SCAPER: variants seen among roughly 807,000 people sequenced by gnomAD.
The protein encoded by SCAPER is S phase cyclin A-associated protein in the endoplasmic reticulum.
In SCAPER, 98 loss-of-function variants were observed where a neutral mutation model predicts 182.2. That is an observed-to-expected ratio of 0.54 (90% CI 0.46 to 0.64). The LOEUF (loss-of-function observed/expected upper bound fraction) is 0.64. Among genes scored for constraint, SCAPER ranks in the 30% least tolerant of loss-of-function variants. SCAPER has a pLI of 0.00. For missense variants in SCAPER, 1,432 were observed against 1,690.0 expected, an observed-to-expected ratio of 0.85 and a Z score of 2.68; for synonymous variants, 605 against 564.6, an observed-to-expected ratio of 1.07 and a Z score of -1.01.
chr15:76,623,542 G>A (rs1228299136), intron 21 of SCAPER, among the ~76,000 whole-genome samples: 3 of 152,088 alleles, frequency 2.0e-5, no homozygotes, highest in African/African-American at 4.8e-5. Context: ...CTTTACCAAG[G>A]ATCAGATGGC....
intron 14 of SCAPER, among the ~76,000 whole-genome samples, chr15:76,759,751 T>C (rs193191362): frequency 1.3e-5 from 2 of 152,330 alleles, no homozygotes; most frequent in East Asian, 1.9e-4. Context: ...ATTGTATTCA[T>C]GTAGTATATT....
chr15:76,738,643 G>A (rs1024889068), intron 15 of SCAPER, among the ~76,000 whole-genome samples: 1 of 152,148 alleles, frequency 6.6e-6, no homozygotes, highest in East Asian at 1.9e-4. Flanking sequence ...GGAGGCCTGA[G>A]GATAAGAAAT....
chr15:76,889,699 T>C (rs2074059299), intron 1 of SCAPER, among the ~76,000 whole-genome samples: 1 of 152,164 alleles, frequency 6.6e-6, no homozygotes, highest in South Asian at 2.1e-4. Context: ...CAAAGAGACT[T>C]AGACTCCCAC....
intron 26 of SCAPER, among the ~76,000 whole-genome samples, chr15:76,406,252 T>A (rs1057322901): frequency 6.6e-6 from 1 of 151,484 alleles, no homozygotes; most frequent in Non-Finnish European, 1.5e-5. Context: ...CTGAGGCAGG[T>A]GGATCACTTG....
intron 21 of SCAPER, among the ~76,000 whole-genome samples, chr15:76,636,932 C>G (rs2053650972): frequency 6.6e-6 from 1 of 151,834 alleles, no homozygotes; most frequent in Non-Finnish European, 1.5e-5. Context: ...CATGAGAAAT[C>G]TTTATAATTA....
intron 24 of SCAPER, among the ~76,000 whole-genome samples, chr15:76,476,741 C>T (rs988053213): frequency 5.3e-5 from 8 of 151,926 alleles, no homozygotes; most frequent in African/African-American, 1.9e-4. Flanking sequence ...GCCAACACAC[C>T]TAGCCGTCCA....
At position 76,764,950 on chromosome 15, in the gene SCAPER, TA is replaced by T; in HGVS notation, c.1725+10del. 6.5e-7 allele frequency: 1 copy of T among 1,531,588 alleles called. No homozygotes were observed. The allele number at this position is 1,531,588 out of a possible 1,614,324, so 94.9% of individuals were successfully genotyped here. A position where few individuals can be genotyped will look rare whatever the true frequency, so the allele number is the denominator to read the frequency against. On this transcript the variant is annotated intron_variant, in intron 14 of 31. Transcript: ENST00000563290. ...CAGACTATCATAATTTCCTAAAAAATAAAAACTCACCCTTTCTAACAATTTC... is the reference window on the plus strand; with the variant it reads ...CAGACTATCATAATTTCCTAAAAAATAAAACTCACCCTTTCTAACAATTTC...
intron 1 of SCAPER, among the ~76,000 whole-genome samples, chr15:76,885,630 C>T (rs530708493): frequency 6.6e-6 from 1 of 152,252 alleles, no homozygotes; most frequent in African/African-American, 2.4e-5. Flanking sequence ...ACTACAGGTG[C>T]ACACCATCAT....
intron 23 of SCAPER, among the ~76,000 whole-genome samples, chr15:76,569,726 A>G (rs778665908): frequency 1.1e-4 from 17 of 151,732 alleles, no homozygotes; most frequent in South Asian, 2.1e-4. Context: ...TTCATTTTCT[A>G]TATCTTTTTC....
chr15:76,565,001 C>T (rs1472375007), intron 23 of SCAPER, among the ~76,000 whole-genome samples: 1 of 152,128 alleles, frequency 6.6e-6, no homozygotes, highest in African/African-American at 2.4e-5. Context: ...ATTCCTTATA[C>T]CATGTACAAA....
intron 8 of SCAPER, among the ~76,000 whole-genome samples, chr15:76,782,115 C>T (rs2064190749): frequency 6.6e-6 from 1 of 152,018 alleles, no homozygotes; most frequent in African/African-American, 2.4e-5. Flanking sequence ...AGTCAAGACC[C>T]ATCAGTGTGC....
At chr15:76,418,487 A>G (rs1221300505) in intron 26 of SCAPER, among the ~76,000 whole-genome samples, 1 of 152,074 alleles carries the variant, frequency 6.6e-6, no homozygotes, top group Non-Finnish European at 1.5e-5. Flanking sequence ...CATGTTGGGC[A>G]CTCCCCACAT....
intron 20 of SCAPER, among the ~76,000 whole-genome samples, chr15:76,693,975 G>A (rs991887372): frequency 6.6e-6 from 1 of 151,948 alleles, no homozygotes; most frequent in Non-Finnish European, 1.5e-5. Flanking sequence ...ACTTAAAAAG[G>A]GTTAAGACGG....
intron 17 of SCAPER, among the ~76,000 whole-genome samples, chr15:76,713,004 C>A (rs1001183066): frequency 2.6e-5 from 4 of 152,100 alleles, no homozygotes; most frequent in Non-Finnish European, 5.9e-5. Flanking sequence ...AGAGGGCATC[C>A]CTGTCTTGTG....
chr15:76,388,306 T>C (rs1311311416), intron 27 of SCAPER, among the ~76,000 whole-genome samples: 1 of 152,112 alleles, frequency 6.6e-6, no homozygotes, highest in Non-Finnish European at 1.5e-5. Flanking sequence ...GAAAATTTTC[T>C]AGGGCTAGGT....
intron 5 of SCAPER, among the ~76,000 whole-genome samples, chr15:76,809,462 C>G (rs930165112): frequency 1.3e-5 from 2 of 151,628 alleles, no homozygotes; most frequent in East Asian, 3.9e-4. Context: ...ATATAATACT[C>G]AACTAAAAAT....
rs184779199 is a variant in SCAPER at position 76,528,511 on chromosome 15, A to C, written c.2839-23537T>G. On this transcript the variant is annotated intron_variant, in intron 23 of 31. Coordinates refer to ENST00000563290, the MANE Select transcript of SCAPER (RefSeq NM_020843.4). Reference sequence around the variant, plus strand: ...CTGATCCTGAATGGCACCACCATCCATACTCCATTTTTAGCTTCTTCCTTT... The same window carrying C: ...CTGATCCTGAATGGCACCACCATCCCTACTCCATTTTTAGCTTCTTCCTTT... 2.0e-4 allele frequency among the ~76,000 whole-genome samples: 30 copies of C among 152,280 alleles called. No individual in the cohort carries two copies. The East Asian group carries it at 5.6e-3, about 28-fold the overall frequency.
chr15:76,860,909 C>T (rs1428607010), intron 3 of SCAPER, among the ~76,000 whole-genome samples: 1 of 151,962 alleles, frequency 6.6e-6, no homozygotes, highest in Admixed American at 6.6e-5. Context: ...GGAACAGGAG[C>T]CAAGTTAAAG....
chr15:76,809,783 A>G (rs1461389079), intron 5 of SCAPER, among the ~76,000 whole-genome samples: 1 of 152,200 alleles, frequency 6.6e-6, no homozygotes, highest in Non-Finnish European at 1.5e-5. Flanking sequence ...GAATCCAGAG[A>G]TATCTACACT....
Sources: gnomAD v4.1 joint callset for allele counts (sites outside exome capture counted in the v4.1 genomes callset) on GRCh38, gnomAD v4.1.1 for gene constraint, MANE v1.5 for transcripts, NCBI Gene and HGNC (gene_info 2026-07-23, HGNC 2026-07-21) for gene names.